The following BRAP variants were observed in gnomAD, a reference collection of about 807,000 sequenced individuals.
BRAP encodes BRCA1-associated protein.
BRAP carries 42 observed loss-of-function variants against 73.4 expected under a neutral mutation model. The observed-to-expected ratio is 0.57, with a 90% CI of 0.45 to 0.74. BRAP has a LOEUF of 0.74. Ranked by LOEUF, BRAP falls within the 30% of genes least tolerant of loss-of-function variation. The pLI is 0.00. For synonymous variants in BRAP, 255 were observed against 267.4 expected (o/e 0.95, Z 0.45); for missense variants, 593 against 751.4 (o/e 0.79, Z 2.46).
intron 10 of BRAP, 136 bp downstream of exon 10, chr12:111,655,430 C>T: frequency 1.7e-6 from 1 of 581,366 alleles, no homozygotes; most frequent in East Asian, 3.1e-5. Flanking sequence ...AGTGGCAAAA[C>T]AGTTCTCCAC....
intron 4 of BRAP, among the ~76,000 whole-genome samples, chr12:111,677,754 G>T (rs1887439566): frequency 6.6e-6 from 1 of 152,168 alleles, no homozygotes; most frequent in Non-Finnish European, 1.5e-5. Flanking sequence ...GACAGTGAAA[G>T]GAGCTATTCA....
At position 111,642,198 on chromosome 12, in the gene BRAP, G is replaced by T. The variant is rs181243964; in HGVS notation, c.*2001C>A. 6.6e-6 allele frequency: 1 copy of T among 152,036 alleles called. No homozygotes were observed. The highest frequency in any genetic ancestry group is 1.9e-4 in the East Asian group (1 of 5,180). The allele number at this position is 152,036 out of a possible 1,614,324, so 9.4% of individuals were successfully genotyped here. A position where few individuals can be genotyped will look rare whatever the true frequency, so the allele number is the denominator to read the frequency against. Reference sequence around the variant, plus strand: ...CAATTTCATTGTTCAAGGTAGTATGGGTATATTAAGTGGTTCATTTCCCTC... The same window carrying T: ...CAATTTCATTGTTCAAGGTAGTATGTGTATATTAAGTGGTTCATTTCCCTC... On this transcript the variant is annotated 3_prime_UTR_variant, in exon 12 of 12. Coordinates refer to ENST00000419234, the MANE Select transcript of BRAP (RefSeq NM_006768.5).
intron 6 of BRAP, among the ~76,000 whole-genome samples, chr12:111,661,104 C>G (rs887924660): frequency 1.4e-5 from 2 of 146,472 alleles, no homozygotes; most frequent in Admixed American, 6.8e-5. Context: ...CTCAGCCTCC[C>G]GAGTAGCTGG....
intron 4 of BRAP, among the ~76,000 whole-genome samples, chr12:111,676,836 C>T (rs1461426819): frequency 1.3e-5 from 2 of 151,942 alleles, no homozygotes; most frequent in East Asian, 1.9e-4. Flanking sequence ...TCACTACAGC[C>T]GATATTAGTT....
At chr12:111,646,630 G>A (rs565256499) in intron 11 of BRAP, among the ~76,000 whole-genome samples, 9 of 152,118 alleles carry the variant, frequency 5.9e-5, no homozygotes, top group Non-Finnish European at 1.2e-4. Flanking sequence ...AAAATTAGCC[G>A]GGTGTGGTAG....
intron 6 of BRAP, among the ~76,000 whole-genome samples, chr12:111,661,773 G>A (rs1321565281): frequency 2.0e-5 from 3 of 147,852 alleles, no homozygotes; most frequent in Non-Finnish European, 4.5e-5. Context: ...GTGCAGTGGC[G>A]CGATCTCAGC....
In BRAP at chr12:111,644,198, G is replaced by C; in HGVS notation, c.*1C>G. On this transcript the variant is annotated 3_prime_UTR_variant, in exon 12 of 12. Transcript: ENST00000419234. ...CTCAGGGATGTCTGTTGCTCTGAAG[G>C]TCACTTGCCCCTCTTGCTGCGGCCC... 1.2e-6 allele frequency: 2 copies of C among 1,607,834 alleles called. No individual in the cohort carries two copies. Among genetic ancestry groups the C allele is most frequent in the Non-Finnish European group, 1.7e-6 (2 of 1,178,928 alleles).
At chr12:111,681,941 A>AT in intron 2 of BRAP, 106 bp from the exon 3 acceptor site, 1 of 1,074,726 alleles carries the variant, frequency 9.3e-7, no homozygotes, top group East Asian at 2.6e-5. Context: ...TGATAGAGTA[A>AT]TTACAATGTA....
chr12:111,660,217 A>C (rs900658215), intron 7 of BRAP, among the ~76,000 whole-genome samples: 1 of 152,224 alleles, frequency 6.6e-6, no homozygotes, highest in Non-Finnish European at 1.5e-5. Flanking sequence ...GTGAACAGCA[A>C]GAAAAAAATT....
chr12:111,680,642 G>A (rs1887564203), intron 3 of BRAP, among the ~76,000 whole-genome samples: 1 of 151,846 alleles, frequency 6.6e-6, no homozygotes, highest in Admixed American at 6.6e-5. Flanking sequence ...CAGTGAGCCA[G>A]GATTGCACCA....
At chr12:111,676,749 A>G (rs945444013) in intron 4 of BRAP, among the ~76,000 whole-genome samples, 4 of 152,148 alleles carry the variant, frequency 2.6e-5, no homozygotes, top group Non-Finnish European at 5.9e-5. Flanking sequence ...CAAGGAGACA[A>G]TGCATGGAAA....
At chr12:111,669,260 G>A (rs938763212) in intron 5 of BRAP, among the ~76,000 whole-genome samples, 4 of 148,360 alleles carry the variant, frequency 2.7e-5, no homozygotes, top group Non-Finnish European at 5.9e-5. Flanking sequence ...ACGGAGTTTC[G>A]CTCTTGTTGC....
In BRAP at chr12:111,655,663, CAT is replaced by C. The variant is rs1162854170; in HGVS notation, c.1222-10_1222-9del. ...TGTTAGTAAATATGAATACTAGAAA[CAT>C]AGAGAATAAAGACCAAAATGTAAGT... On this transcript the variant is annotated splice_polypyrimidine_tract_variant and intron_variant, in intron 9 of 11. Transcript: ENST00000419234. 7 of 1,599,870 alleles carry C rather than the reference CAT, an allele frequency of 4.4e-6. No individual in the cohort carries two copies. In the African/African-American group the frequency reaches 5.4e-5, roughly 12 times the overall value.
chr12:111,670,341 A>G (rs1023406921), intron 5 of BRAP: 5 of 477,752 alleles, frequency 1.0e-5, no homozygotes, highest in African/African-American at 2.0e-5. Context: ...GCTCGCTGAG[A>G]CTTTTCAGCC....
intron 4 of BRAP, among the ~76,000 whole-genome samples, chr12:111,674,035 AACATTG>A (rs1887280526): frequency 6.6e-6 from 1 of 152,216 alleles, no homozygotes; most frequent in African/African-American, 2.4e-5. Context: ...TGGCCCTACC[AACATTG>A]ACAGGCTGCT....
Position 111,681,644 on chromosome 12 carries a change from T to C in BRAP, c.436A>G (p.Lys146Glu). Residue 146 changes from lysine (K) to glutamate (E), a missense_variant, in exon 3 of 12, where the codon AAG becomes GAG. By Grantham distance (56) the Lys-to-Glu change is moderately conservative. Coordinates refer to ENST00000419234, the MANE Select transcript of BRAP (RefSeq NM_006768.5). ...EIVHGIMHLY[K>E]TNKMTSLKED... ...AAAAGAGGGTTTTCTTACTTTGTCT[T>C]ATATAGGTGCATAATACCATGAACT... 6.2e-7 allele frequency: 1 copy of C among 1,611,330 alleles called. No individual in the cohort carries two copies. The highest frequency in any genetic ancestry group is 8.5e-7 in the Non-Finnish European group (1 of 1,178,456).
chr12:111,681,629 T>C lies in BRAP; in HGVS notation c.443+8A>G, dbSNP rs574173764. On this transcript the variant is annotated splice_region_variant and intron_variant, in intron 3 of 11. Coordinates refer to ENST00000419234, the MANE Select transcript of BRAP (RefSeq NM_006768.5). ...TGACTAACCCCCAAGAAAAGAGGGT[T>C]TTCTTACTTTGTCTTATATAGGTGC... 9 of 1,570,850 alleles carry C rather than the reference T, an allele frequency of 5.7e-6. No individual in the cohort carries two copies. Among genetic ancestry groups the C allele is most frequent in the East Asian group, 2.3e-5 (1 of 44,142 alleles).
intron 7 of BRAP, 60 bp downstream of exon 7, chr12:111,660,540 A>G: frequency 6.9e-7 from 1 of 1,440,926 alleles, no homozygotes; most frequent in Non-Finnish European, 9.4e-7. Flanking sequence ...TACCAGGCAG[A>G]AGAAAACTCA....
At chr12:111,650,710 G>A (rs564210765) in intron 10 of BRAP, among the ~76,000 whole-genome samples, 1 of 152,286 alleles carries the variant, frequency 6.6e-6, no homozygotes, top group African/African-American at 2.4e-5. Context: ...TGTATTTTTT[G>A]TGGAGACAAA....
Sources: gnomAD v4.1 joint callset for allele counts (sites outside exome capture counted in the v4.1 genomes callset) on GRCh38, gnomAD v4.1.1 for gene constraint, MANE v1.5 for transcripts, NCBI Gene and HGNC (gene_info 2026-07-23, HGNC 2026-07-21) for gene names.